ZNF346: variants seen among roughly 807,000 people sequenced by gnomAD.
ZNF346 encodes double-stranded RNA-binding zinc finger protein JAZ.
A neutral mutation model predicts 33.7 loss-of-function variants in ZNF346; 23 were observed. The ratio of observed to expected loss-of-function variants is 0.68; its 90% confidence interval spans 0.49 to 0.97. The LOEUF (loss-of-function observed/expected upper bound fraction) is 0.97. ZNF346 is among the 50% of genes least tolerant of loss of function. The probability of loss-of-function intolerance (pLI) is 0.00; values close to 1 mark genes in which losing one functional copy is unlikely to be tolerated. For missense variants in ZNF346, 340 were observed against 371.1 expected (o/e 0.92, Z 0.69); for synonymous variants, 134 against 142.4 (o/e 0.94, Z 0.42).
intron 1 of ZNF346, among the ~76,000 whole-genome samples, chr5:177,036,553 A>G (rs537923296): frequency 1.6e-4 from 24 of 152,178 alleles, no homozygotes; most frequent in African/African-American, 2.9e-4. Context: ...GTGTGTACGC[A>G]GCCTCAGGGT....
chr5:177,026,926 G>A (rs1002385889), intron 1 of ZNF346, among the ~76,000 whole-genome samples: 1 of 152,098 alleles, frequency 6.6e-6, no homozygotes, highest in African/African-American at 2.4e-5. Context: ...ACCCACTTGT[G>A]GCAATAGCAA....
intron 8 of ZNF346, among the ~76,000 whole-genome samples, chr5:177,075,244 CA>C (rs1045524732): frequency 4.5e-5 from 6 of 133,972 alleles, no homozygotes; most frequent in Admixed American, 1.5e-4. Flanking sequence ...ATTAAAAATA[CA>C]AAAAAAAACT....
At chr5:177,045,669 T>A (rs566342778) in intron 4 of ZNF346, among the ~76,000 whole-genome samples, 4 of 152,104 alleles carry the variant, frequency 2.6e-5, no homozygotes, top group African/African-American at 9.6e-5. Flanking sequence ...CCTTTTTTTT[T>A]AAATAGAGAT....
At position 177,064,408 on chromosome 5, in the gene ZNF346, C is replaced by G. The variant is rs142513892; in HGVS notation, c.798-104C>G. On this transcript the variant is annotated intron_variant, in intron 6 of 6. Coordinates refer to ENST00000358149, the MANE Select transcript of ZNF346 (RefSeq NM_012279.4). ...GTGGACCTCAGTGAAGGAAAGGTGT[C>G]CTGTCTATTACTCCAAGGCCCTGGA... 452 of 861,930 alleles carry G rather than the reference C, an allele frequency of 5.2e-4. 1 individual carries two copies. The highest frequency in any genetic ancestry group is 8.7e-4 in the South Asian group (57 of 65,334). 53.4% of individuals were successfully genotyped at this position (861,930 alleles called of 1,614,324 possible).
At chr5:177,057,348 T>G (rs1026175985) in intron 5 of ZNF346, among the ~76,000 whole-genome samples, 4 of 152,070 alleles carry the variant, frequency 2.6e-5, no homozygotes, top group Non-Finnish European at 5.9e-5. Flanking sequence ...CTTTTTTTGG[T>G]CCTTATGTAG....
chr5:177,045,400 G>A (rs1164520254), intron 4 of ZNF346, among the ~76,000 whole-genome samples: 1 of 151,850 alleles, frequency 6.6e-6, no homozygotes, highest in Non-Finnish European at 1.5e-5. Context: ...TGTTGCCTAG[G>A]TTAGAGTGCA....
intron 4 of ZNF346, among the ~76,000 whole-genome samples, chr5:177,045,971 C>T (rs1779976982): frequency 1.3e-5 from 2 of 151,984 alleles, no homozygotes; most frequent in South Asian, 4.2e-4. Context: ...TCTACTTCAT[C>T]GGTTGTGAGG....
downstream of ZNF346, among the ~76,000 whole-genome samples, chr5:177,072,315 G>A (rs1175410597): frequency 2.0e-5 from 3 of 152,222 alleles, no homozygotes; most frequent in Non-Finnish European, 4.4e-5. Flanking sequence ...CTCTCTGTTT[G>A]AGGGCTGTAA....
chr5:177,023,193 C>T, intron 1 of ZNF346: 6 of 1,536,650 alleles, frequency 3.9e-6, no homozygotes, highest in Non-Finnish European at 5.2e-6. Context: ...ACTGTCATCC[C>T]TATACTCGTC....
intron 4 of ZNF346, among the ~76,000 whole-genome samples, chr5:177,049,304 T>C (rs916475752): frequency 1.3e-5 from 2 of 152,222 alleles, no homozygotes; most frequent in East Asian, 3.8e-4. Flanking sequence ...GTTGAAGTGA[T>C]ACAGGTATGG....
intron 8 of ZNF346, among the ~76,000 whole-genome samples, chr5:177,078,474 G>T (rs191243111): frequency 2.0e-5 from 3 of 152,278 alleles, no homozygotes; most frequent in East Asian, 1.9e-4. Flanking sequence ...AGTGGGTGGT[G>T]GGGGGAGAGT....
intron 4 of ZNF346, among the ~76,000 whole-genome samples, chr5:177,048,617 A>G (rs190652612): frequency 6.5e-4 from 99 of 152,224 alleles, no homozygotes; most frequent in South Asian, 1.9e-3. Flanking sequence ...GCAAAACTCC[A>G]TCTCAAAAAG....
At position 177,044,487 on chromosome 5, in the gene ZNF346, C is replaced by A; in HGVS notation, c.471C>A (p.Thr157=). 2 of 1,614,004 alleles carry A rather than the reference C, an allele frequency of 1.2e-6. No homozygotes were observed. Among genetic ancestry groups the A allele is most frequent in the East Asian group, 2.2e-5 (1 of 44,892 alleles). ...CCCAGTCGCACTACCTGGGGAAGAC[C>A]CACGCAAAGAACTTAAAGCTGAAGC... ...VVAQSHYLGK[T]HAKNLKLKQQ... The change falls in exon 4 of 7, where the codon ACC becomes ACA. Residue 157 remains threonine (T), a synonymous_variant. Transcript: ENST00000358149.
rs1783757483 is a variant in ZNF346 at position 177,076,614 on chromosome 5, C to T, written c.*3-2768C>T. On this transcript the variant is annotated intron_variant, in intron 8 of 8. Coordinates refer to the ZNF346 transcript ENST00000503039. Reference sequence around the variant, plus strand: ...CACTGCTCCCCACTCTGTTCCTTGGCTCAGAATTCCCACTCGCCCATGCTG... The same window carrying T: ...CACTGCTCCCCACTCTGTTCCTTGGTTCAGAATTCCCACTCGCCCATGCTG... Among the ~76,000 whole-genome samples, 3 of 152,200 alleles carry T rather than the reference C, an allele frequency of 2.0e-5. 1 individual carries two copies. The South Asian group carries it at 6.2e-4, about 31-fold the overall frequency.
At chr5:177,051,247 T>G (rs251846) in intron 5 of ZNF346, among the ~76,000 whole-genome samples, 61,450 of 144,842 alleles carry the variant, frequency 0.42, 13,253 homozygotes, top group East Asian at 0.46. Flanking sequence ...CGATCTCGGC[T>G]TACTGCAAGC....
intron 2 of ZNF346, 117 bp from the exon 3 acceptor site, chr5:177,041,661 T>A (rs1779352099): frequency 3.0e-6 from 2 of 670,808 alleles, no homozygotes; most frequent in Admixed American, 2.6e-5. Context: ...TTCCCTCACC[T>A]CCTCCTCAAA....
At chr5:177,070,156 T>TA (rs1222629954), downstream of ZNF346, among the ~76,000 whole-genome samples, 6 of 152,350 alleles carry the variant, frequency 3.9e-5, no homozygotes, top group East Asian at 7.7e-4. Context: ...TCTATTGACT[T>TA]ACATCCTCAC....
Position 177,060,496 on chromosome 5 carries a change from C to T in ZNF346, c.704-1562C>T, listed in dbSNP as rs186085323. Among the ~76,000 whole-genome samples, 612 of 151,290 alleles carry T rather than the reference C, an allele frequency of 4.0e-3. 4 individuals are homozygous for T. Among genetic ancestry groups the T allele is most frequent in the Admixed American group, 7.5e-3 (114 of 15,218 alleles). Reference sequence around the variant, plus strand: ...CTCCAGCCTGGGTGACAGAATGAGACTCCATCTCAAAAAAATCAAAAATAA... The same window carrying T: ...CTCCAGCCTGGGTGACAGAATGAGATTCCATCTCAAAAAAATCAAAAATAA... On this transcript the variant is annotated intron_variant, in intron 5 of 6. Transcript: ENST00000358149.
At chr5:177,078,229 T>C (rs2149722294) in intron 8 of ZNF346, among the ~76,000 whole-genome samples, 1 of 152,284 alleles carries the variant, frequency 6.6e-6, no homozygotes, top group Middle Eastern at 3.4e-3. Context: ...GTAGAATGCC[T>C]GGAAAGCGGG....
Sources: gnomAD v4.1 joint callset for allele counts (sites outside exome capture counted in the v4.1 genomes callset) on GRCh38, gnomAD v4.1.1 for gene constraint, MANE v1.5 for transcripts, NCBI Gene and HGNC (gene_info 2026-07-23, HGNC 2026-07-21) for gene names.